Variants in DNMBP observed in about 807,000 individuals in gnomAD.
DNMBP encodes the protein dynamin binding protein, also known as dynamin-binding protein.
DNMBP carries 87 observed loss-of-function variants against 150.0 expected under a neutral mutation model. The observed-to-expected ratio is 0.58, with a 90% CI of 0.49 to 0.69. DNMBP has a LOEUF of 0.69. Ranked by LOEUF, DNMBP falls within the 30% of genes least tolerant of loss-of-function variation. The probability of loss-of-function intolerance (pLI) is 0.00; values close to 1 mark genes in which losing one functional copy is unlikely to be tolerated. For synonymous variants in DNMBP, 711 were observed against 750.4 expected (o/e 0.95, Z 0.86); for missense variants, 1,774 against 1,949.0 (o/e 0.91, Z 1.69).
At chr10:99,929,827 G>A in intron 4 of DNMBP, 1 of 702,916 alleles carries the variant, frequency 1.4e-6, no homozygotes, top group Non-Finnish European at 2.6e-6. Context: ...CCATCCAGAA[G>A]GATCCTGCTG....
At chr10:99,889,877 T>A (rs376793253) in intron 11 of DNMBP, among the ~76,000 whole-genome samples, 102 of 152,300 alleles carry the variant, frequency 6.7e-4, no homozygotes, top group African/African-American at 2.0e-3. Flanking sequence ...AGAACCAAGA[T>A]GATTCCTATA....
chr10:99,999,507 T>C (rs2040987991), intron 1 of DNMBP, among the ~76,000 whole-genome samples: 1 of 152,234 alleles, frequency 6.6e-6, no homozygotes, highest in African/African-American at 2.4e-5. Context: ...ATCCGCGGTT[T>C]CACTTTCCAC....
At chr10:99,915,614 C>T (rs2039957434) in intron 4 of DNMBP, among the ~76,000 whole-genome samples, 1 of 152,096 alleles carries the variant, frequency 6.6e-6, no homozygotes, top group African/African-American at 2.4e-5. Flanking sequence ...ACTCCGAAGG[C>T]TGAAGTGGGA....
At chr10:99,915,214 T>C (rs57594481) in intron 4 of DNMBP, among the ~76,000 whole-genome samples, 9,630 of 142,344 alleles carry the variant, frequency 0.068, 531 homozygotes, top group African/African-American at 0.15. Context: ...CATATATACA[T>C]ACACACACAC....
intron 4 of DNMBP, among the ~76,000 whole-genome samples, chr10:99,922,524 T>TTTC (rs2040035063): frequency 1.4e-5 from 1 of 70,944 alleles, no homozygotes; most frequent in Non-Finnish European, 2.5e-5. Context: ...TTTTTTTTTT[T>TTTC]CTTAAAAAAA....
At chr10:99,990,704 T>C (rs907486286) in intron 1 of DNMBP, among the ~76,000 whole-genome samples, 2 of 150,908 alleles carry the variant, frequency 1.3e-5, no homozygotes, top group Admixed American at 6.6e-5. Context: ...TACACACACA[T>C]ATATACACAC....
intron 4 of DNMBP, among the ~76,000 whole-genome samples, chr10:99,954,450 A>T (rs754534777): frequency 2.4e-4 from 37 of 151,690 alleles, no homozygotes; most frequent in Non-Finnish European, 4.4e-5. Context: ...TGAAATAAGA[A>T]ATTAGGTAGT....
At chr10:99,990,861 AT>A (rs1435638030) in intron 1 of DNMBP, among the ~76,000 whole-genome samples, 1 of 151,502 alleles carries the variant, frequency 6.6e-6, no homozygotes, top group Non-Finnish European at 1.5e-5. Flanking sequence ...ACATATATAT[AT>A]ATATATATAG....
intron 5 of DNMBP, 57 bp downstream of exon 5, chr10:99,908,896 C>T: frequency 6.7e-7 from 1 of 1,501,908 alleles, no homozygotes; most frequent in Non-Finnish European, 9.1e-7. Context: ...TATCCTAATG[C>T]TTCTGGCCTG....
At chr10:99,918,676 C>T (rs1259481387) in intron 4 of DNMBP, among the ~76,000 whole-genome samples, 4 of 149,730 alleles carry the variant, frequency 2.7e-5, no homozygotes, top group Non-Finnish European at 5.9e-5. Flanking sequence ...AAACAATTAT[C>T]CTGCCTTAGC....
rs71009782 is a variant in DNMBP at position 99,883,638 on chromosome 10, CAAAAAAAAA to C, written c.3997+364_3997+372del. ...CCTGGATAACAGAGCAAGACTGCCA[CAAAAAAAAA>C]AAAAAAAAAAAAAAAAAAAAATTTG... On this transcript the variant is annotated intron_variant, in intron 15 of 16. Coordinates refer to ENST00000324109, the MANE Select transcript of DNMBP (RefSeq NM_015221.4). Among the ~76,000 whole-genome samples, 104 of 65,614 alleles carry C rather than the reference CAAAAAAAAA, an allele frequency of 1.6e-3. 1 individual carries two copies. Among genetic ancestry groups the C allele is most frequent in the African/African-American group, 4.4e-3 (89 of 20,102 alleles). The allele number at this position is 65,614 out of a possible 152,430, so 43.0% of individuals were successfully genotyped here. A position where few individuals can be genotyped will look rare whatever the true frequency, so the allele number is the denominator to read the frequency against.
At chr10:99,889,089 G>A (rs1050936394) in intron 11 of DNMBP, 136 bp from the exon 12 acceptor site, 1 of 987,160 alleles carries the variant, frequency 1.0e-6, no homozygotes, top group African/African-American at 1.6e-5. Context: ...TGGTATTTTA[G>A]CTTTGAAATA....
In DNMBP at chr10:100,001,168, T is replaced by C. The variant is rs182851655; in HGVS notation, c.-11+8670A>G. Reference sequence around the variant, plus strand: ...ATTGCTTGAACCCAGGAGGTGGAGGTTGCAGTGAGCCGAGATGGCACCACT... The same window carrying C: ...ATTGCTTGAACCCAGGAGGTGGAGGCTGCAGTGAGCCGAGATGGCACCACT... On this transcript the variant is annotated intron_variant, in intron 1 of 16. Transcript: ENST00000324109. Among the ~76,000 whole-genome samples, 473 of 122,834 alleles carry C rather than the reference T, an allele frequency of 3.9e-3. 1 individual carries two copies. The highest frequency in any genetic ancestry group is 6.1e-3 in the Non-Finnish European group (381 of 62,130). The allele number at this position is 122,834 out of a possible 152,430, so 80.6% of individuals were successfully genotyped here. A position where few individuals can be genotyped will look rare whatever the true frequency, so the allele number is the denominator to read the frequency against.
chr10:99,916,281 G>A (rs2039964099), intron 4 of DNMBP, among the ~76,000 whole-genome samples: 1 of 152,178 alleles, frequency 6.6e-6, no homozygotes, highest in Non-Finnish European at 1.5e-5. Context: ...TGGCCAACAT[G>A]GTGAAACTCT....
chr10:100,005,678 C>T (rs1434919936), intron 1 of DNMBP, among the ~76,000 whole-genome samples: 1 of 143,518 alleles, frequency 7.0e-6, no homozygotes, highest in Non-Finnish European at 1.5e-5. Context: ...GGCTTGAACC[C>T]GGGAGGCGGA....
chr10:99,960,917 C>T (rs1339552168), intron 3 of DNMBP, among the ~76,000 whole-genome samples: 1 of 151,560 alleles, frequency 6.6e-6, no homozygotes, highest in Non-Finnish European at 1.5e-5. Flanking sequence ...TTCAAGGCTA[C>T]AGTGAACTAT....
chr10:99,879,661 A>G (rs2039332275), intron 16 of DNMBP, 150 bp downstream of exon 16: 1 of 1,394,084 alleles, frequency 7.2e-7, no homozygotes, highest in Non-Finnish European at 9.5e-7. Context: ...CTGATGGCAG[A>G]GATTCCTTGT....
At chr10:99,903,129 C>T (rs1398338554) in intron 6 of DNMBP, among the ~76,000 whole-genome samples, 2 of 129,208 alleles carry the variant, frequency 1.5e-5, no homozygotes, top group South Asian at 2.4e-4. Flanking sequence ...TTTGTAGAAA[C>T]GAGGTCTCAC....
Position 99,956,351 on chromosome 10 carries a change from A to T in DNMBP, c.1123T>A (p.Tyr375Asn). The change falls in exon 4 of 17, where the codon TAT (tyrosine) becomes AAT (asparagine). Residue 375 changes from tyrosine to asparagine, a missense_variant. Tyr to Asn is a moderately radical substitution (Grantham distance 143). Coordinates refer to ENST00000324109, the MANE Select transcript of DNMBP (RefSeq NM_015221.4). Reference protein sequence around the residue: ...TSEYDTDRNSYQDEDTAGGPP... With the variant: ...TSEYDTDRNSNQDEDTAGGPP... ...CCTCCTGCGGTGTCCTCGTCCTGAT[A>T]AGAGTTTCTGTCTGTGTCATACTCT... The T allele has an allele frequency of 6.2e-7, 1 of 1,613,848 alleles. No homozygotes were observed.
Sources: gnomAD v4.1 joint callset for allele counts (sites outside exome capture counted in the v4.1 genomes callset) on GRCh38, gnomAD v4.1.1 for gene constraint, MANE v1.5 for transcripts, NCBI Gene and HGNC (gene_info 2026-07-23, HGNC 2026-07-21) for gene names.